AKR1C3: variants seen among roughly 807,000 people sequenced by gnomAD.
AKR1C3 encodes 3-alpha hydroxysteroid dehydrogenase, type II.
Under a neutral mutation model 43.6 loss-of-function variants are expected in AKR1C3, and 48 were observed. The observed-to-expected ratio is 1.10, with a 90% CI of 0.87 to 1.40. AKR1C3 has a LOEUF of 1.40. Among genes scored for constraint, AKR1C3 ranks in the 40% most tolerant of loss-of-function variants. The pLI, the probability that AKR1C3 is intolerant of heterozygous loss-of-function variation, is 0.00. For synonymous variants in AKR1C3, 162 were observed against 139.6 expected (o/e 1.16, Z -1.13); for missense variants, 482 against 391.2 (o/e 1.23, Z -1.96).
chr10:5,091,682 A>G (rs782290956), upstream of AKR1C3, among the ~76,000 whole-genome samples: 113 of 152,122 alleles, frequency 7.4e-4, no homozygotes, highest in Middle Eastern at 3.2e-3. Flanking sequence ...TTTAACTGCA[A>G]TCCTATACAA....
chr10:5,093,764 AACT>A (rs1350720099), upstream of AKR1C3: 1 of 152,100 alleles, frequency 6.6e-6, no homozygotes, highest in Non-Finnish European at 1.5e-5. Flanking sequence ...CTCCAATAAA[AACT>A]ACACCAGAAT....
At chr10:5,097,846 T>C in intron 3 of AKR1C3, 11 of 1,160,882 alleles carry the variant, frequency 9.5e-6, no homozygotes, top group Non-Finnish European at 1.2e-5. Flanking sequence ...AGTCCATCTC[T>C]TGGGATGTTC....
chr10:5,067,586 C>G (rs1554780904), intron 1 of AKR1C3, among the ~76,000 whole-genome samples: 1 of 151,056 alleles, frequency 6.6e-6, no homozygotes. Context: ...AACACCAGCC[C>G]TCTTGCATGG....
At chr10:5,094,612 G>T in intron 1 of AKR1C3, 84 bp downstream of exon 1, 3 of 1,446,842 alleles carry the variant, frequency 2.1e-6, no homozygotes, top group Non-Finnish European at 2.9e-6. Flanking sequence ...TAAGGTTCGT[G>T]TTCCTACCTT....
At chr10:5,074,994 C>A (rs781899107) in intron 1 of AKR1C3, among the ~76,000 whole-genome samples, 15 of 152,086 alleles carry the variant, frequency 9.9e-5, no homozygotes, top group Non-Finnish European at 1.6e-4. Context: ...AAATTTGGAG[C>A]CCTCAAAATC....
At chr10:5,091,317 C>T (rs1554784148), upstream of AKR1C3, among the ~76,000 whole-genome samples, 2 of 152,078 alleles carry the variant, frequency 1.3e-5, no homozygotes, top group African/African-American at 4.8e-5. Flanking sequence ...TGGCTTGAAA[C>T]ACCACAAATT....
At chr10:5,052,637 G>T (rs531736905) in intron 1 of AKR1C3, among the ~76,000 whole-genome samples, 7 of 151,906 alleles carry the variant, frequency 4.6e-5, no homozygotes, top group Non-Finnish European at 7.4e-5. Flanking sequence ...GGTGCTAATT[G>T]GTGTGTTTAT....
At chr10:5,053,073 G>A (rs544586214) in intron 1 of AKR1C3, among the ~76,000 whole-genome samples, 1 of 150,706 alleles carries the variant, frequency 6.6e-6, no homozygotes, top group African/African-American at 2.5e-5. Context: ...CAGGAGCCCA[G>A]CTGGCTTCAC....
intron 1 of AKR1C3, among the ~76,000 whole-genome samples, chr10:5,061,055 A>ATG (rs1838373298): frequency 6.6e-6 from 1 of 152,114 alleles, no homozygotes; most frequent in Non-Finnish European, 1.5e-5. Context: ...TGAGGGAGCG[A>ATG]GCTCTGGCCT....
chr10:5,058,192 G>A (rs1838303791), intron 1 of AKR1C3, among the ~76,000 whole-genome samples: 1 of 152,170 alleles, frequency 6.6e-6, no homozygotes, highest in Non-Finnish European at 1.5e-5. Context: ...AGGATCTGGA[G>A]GTAAGCTGAG....
intron 1 of AKR1C3, chr10:5,096,024 T>C (rs1839198956): frequency 6.4e-6 from 1 of 156,742 alleles, no homozygotes; most frequent in African/African-American, 2.4e-5. Context: ...GCATTCTGTG[T>C]AATATCACTG....
intron 8 of AKR1C3, among the ~76,000 whole-genome samples, chr10:5,106,920 A>AGG (rs1196581222): frequency 8.1e-6 from 1 of 123,928 alleles, no homozygotes; most frequent in Admixed American, 8.0e-5. Flanking sequence ...AAATAAATAA[A>AGG]AAAAGGAAAC....
In AKR1C3 at chr10:5,105,374, T is replaced by G. The variant is rs914116323; in HGVS notation, c.847-221T>G. On this transcript the variant is annotated intron_variant, in intron 7 of 8. Coordinates refer to ENST00000380554, the MANE Select transcript of AKR1C3 (RefSeq NM_003739.6). ...ATTTTCTGTTGAAATTTTCTCTTTG[T>G]CTGCAGAGTTGCACAGTTTCAATAC... 19 of 362,592 alleles carry G rather than the reference T, an allele frequency of 5.2e-5. No individual in the cohort carries two copies. The Admixed American group carries it at 6.8e-4, about 13-fold the overall frequency. The allele number at this position is 362,592 out of a possible 1,614,324, so 22.5% of individuals were successfully genotyped here. A position where few individuals can be genotyped will look rare whatever the true frequency, so the allele number is the denominator to read the frequency against.
At chr10:5,070,946 T>G (rs2131803483) in intron 1 of AKR1C3, among the ~76,000 whole-genome samples, 1 of 152,236 alleles carries the variant, frequency 6.6e-6, no homozygotes, top group South Asian at 2.1e-4. Context: ...TTAACCAGTG[T>G]TTTGGGGGTA....
At chr10:5,106,910 AAATAAAT>A (rs1839514754) in intron 8 of AKR1C3, among the ~76,000 whole-genome samples, 1 of 7,734 alleles carries the variant, frequency 1.3e-4, no homozygotes, top group African/African-American at 5.3e-4. Context: ...GTTTCAAGGA[AAATAAAT>A]AAAAAAAGGA....
At chr10:5,096,785 G>T (rs1283353976) in intron 2 of AKR1C3, among the ~76,000 whole-genome samples, 3 of 152,056 alleles carry the variant, frequency 2.0e-5, no homozygotes, top group African/African-American at 7.2e-5. Context: ...TGACCTGAAA[G>T]TCCCTTTACT....
At chr10:5,085,955 T>G (rs1214365437) in intron 1 of AKR1C3, among the ~76,000 whole-genome samples, 1 of 151,874 alleles carries the variant, frequency 6.6e-6, no homozygotes, top group African/African-American at 2.4e-5. Context: ...GTCTATTTGA[T>G]TCTTCTCTCT....
Position 5,050,607 on chromosome 10 carries a change from TTTA to T in AKR1C3, c.84+1716_84+1718del, listed in dbSNP as rs545152863. The stretch of plus-strand genomic sequence containing the variant: ...AACTGGTAGATACCATTGTTGATAT[TTTA>T]TTAATATAGAGGAAAATAAAACATA... On this transcript the variant is annotated intron_variant, in intron 1 of 8. Transcript: ENST00000439082. Among the ~76,000 whole-genome samples the T allele has an allele frequency of 2.0e-3, 300 of 152,340 alleles. 2 individuals carry two copies. The highest frequency in any genetic ancestry group is 6.3e-3 in the African/African-American group (264 of 41,580).
At chr10:5,081,423 A>G (rs1838836002) in intron 1 of AKR1C3, among the ~76,000 whole-genome samples, 1 of 152,234 alleles carries the variant, frequency 6.6e-6, no homozygotes, top group Non-Finnish European at 1.5e-5. Flanking sequence ...TGCATTGACC[A>G]AAAACTTGCT....
Sources: gnomAD v4.1 joint callset for allele counts (sites outside exome capture counted in the v4.1 genomes callset) on GRCh38, gnomAD v4.1.1 for gene constraint, MANE v1.5 for transcripts, NCBI Gene and HGNC (gene_info 2026-07-23, HGNC 2026-07-21) for gene names.